RGPD4: variants seen among roughly 807,000 people sequenced by gnomAD.
RGPD4 encodes ranBP2-like and GRIP domain-containing protein 4.
In RGPD4, 84 loss-of-function variants were observed where a neutral mutation model predicts 141.1. The ratio of observed to expected loss-of-function variants is 0.60; its 90% CI spans 0.50 to 0.71. RGPD4 has a LOEUF of 0.71. RGPD4 is among the 30% of genes least tolerant of loss of function. RGPD4 has a pLI of 0.00. For missense variants in RGPD4, 918 were observed against 1,622.4 expected, an observed-to-expected ratio of 0.57 and a Z score of 7.46; for synonymous variants, 298 against 566.8, an observed-to-expected ratio of 0.53 and a Z score of 6.74.
chr2:107,881,486 T>C (rs1675364562), intron 21 of RGPD4, among the ~76,000 whole-genome samples: 1 of 151,592 alleles, frequency 6.6e-6, no homozygotes. Context: ...CCCGGCTAAT[T>C]TTTTTTATTT....
chr2:107,854,820 A>C (rs1408568606), intron 8 of RGPD4, among the ~76,000 whole-genome samples, 177 bp downstream of exon 8: 3 of 151,864 alleles, frequency 2.0e-5, no homozygotes, highest in Non-Finnish European at 4.4e-5. Context: ...ACATTCTTTT[A>C]AAAAAATGAA....
Position 107,871,254 on chromosome 2 carries a change from A to T in RGPD4, c.3250A>T (p.Asn1084Tyr), listed in dbSNP as rs775398161. Residue 1084 changes from asparagine (N) to tyrosine (Y), a missense_variant, in exon 20 of 23, where the codon AAC becomes TAC. Asn to Tyr is a moderately radical substitution (Grantham distance 143). Coordinates refer to ENST00000408999, the MANE Select transcript of RGPD4 (RefSeq NM_182588.3). ...GCAGTGGAAAGAAAGGGGCTTGGGG[A>T]ACTTAAAAATTCTCAAAAACGAGGT... ...VRQWKERGLG[N>Y]LKILKNEVNG... The T allele has an allele frequency of 2.9e-5, 46 of 1,608,566 alleles. No individual in the cohort carries two copies. The highest frequency in any genetic ancestry group is 4.1e-5 in the African/African-American group (3 of 72,836).
Position 107,827,049 on chromosome 2 carries a change from C to T in RGPD4, c.36C>T (p.Val12=), listed in dbSNP as rs748859920. 6.3e-6 allele frequency: 10 copies of T among 1,597,842 alleles called. No homozygotes were observed. The highest frequency in any genetic ancestry group is 1.7e-5 in the Admixed American group (1 of 58,278). ...GCAAGGCCTACGGGGAGCGGTACGT[C>T]GCCTCCGTGCAGGGCTCCGCCCCGT... The part of the protein sequence containing the change: ...SCSKAYGERY[V]ASVQGSAPSP... The change falls in exon 1 of 23, where the codon GTC becomes GTT. Residue 12 remains valine, a synonymous_variant. Coordinates refer to ENST00000408999, the MANE Select transcript of RGPD4 (RefSeq NM_182588.3).
rs1399654389 is a variant in RGPD4 at position 107,834,022 on chromosome 2, A to T, written c.73-2580A>T. 7.2e-4 allele frequency among the ~76,000 whole-genome samples: 108 copies of T among 150,824 alleles called. 1 individual carries two copies. Among genetic ancestry groups the T allele is most frequent in the African/African-American group, 2.3e-3 (95 of 41,010 alleles). On this transcript the variant is annotated intron_variant, in intron 1 of 22. Coordinates refer to ENST00000408999, the MANE Select transcript of RGPD4 (RefSeq NM_182588.3). ...CTCCATCTCAAAAACAAAAAAAGGA[A>T]GGGGGGAACAAGCCTTGTTCCTATA...
chr2:107,876,589 A>G (rs1047483969), intron 20 of RGPD4, among the ~76,000 whole-genome samples: 18 of 151,056 alleles, frequency 1.2e-4, no homozygotes, highest in Non-Finnish European at 2.5e-4. Flanking sequence ...GTTTTAGTTC[A>G]GCCGTACCCA....
intron 1 of RGPD4, among the ~76,000 whole-genome samples, chr2:107,831,035 G>A (rs201774835): frequency 0.015 from 2,234 of 146,988 alleles, 17 homozygotes; most frequent in East Asian, 0.12. Flanking sequence ...AAAATGAGCC[G>A]GGCGTGGTGG....
chr2:107,846,500 C>G (rs1573479747), intron 6 of RGPD4, among the ~76,000 whole-genome samples: 1 of 151,078 alleles, frequency 6.6e-6, no homozygotes, highest in South Asian at 2.1e-4. Context: ...GAGTTTTGCT[C>G]TTGTTGCCCA....
rs1166609493 is a variant in RGPD4, at chr2:107,831,572, C to CTT, written c.72+4507_72+4508dup. Among the ~76,000 whole-genome samples, 77 of 108,798 alleles carry CTT rather than the reference C, an allele frequency of 7.1e-4. 2 individuals are homozygous for CTT. The highest frequency in any genetic ancestry group is 1.8e-3 in the East Asian group (7 of 3,972). The allele number at this position is 108,798 out of a possible 152,430, so 71.4% of individuals were successfully genotyped here. ...TAGACATTTTCTTTTCTTTTCTTTT[C>CTT]TTTTTTTTTTTTTTTTTTTTTGAGA... On this transcript the variant is annotated intron_variant, in intron 1 of 22. Transcript: ENST00000408999.
At chr2:107,827,281 G>C (rs1361131372) in intron 1 of RGPD4, among the ~76,000 whole-genome samples, 196 bp downstream of exon 1, 1 of 132,842 alleles carries the variant, frequency 7.5e-6, no homozygotes, top group Non-Finnish European at 1.6e-5. Flanking sequence ...GGCTCCCGAC[G>C]GGCGCTGCTC....
rs746649494 is a variant in RGPD4, at chr2:107,862,739, G to A, written c.2263G>A (p.Glu755Lys). 4.1e-5 allele frequency: 35 copies of A among 843,978 alleles called. 7 individuals carry two copies. The East Asian group carries it at 5.3e-4, about 13-fold the overall frequency. The allele number at this position is 843,978 out of a possible 1,614,324, so 52.3% of individuals were successfully genotyped here. ...EMLKSVMQEL[E>K]NYSEGDPLYK... is the part of the protein sequence containing the mutation. Reference sequence around the variant, plus strand: ...GCTTAAGTCAGTCATGCAGGAACTCGAAAACTATAGTGAAGGAGATCCTCT... The same window carrying A: ...GCTTAAGTCAGTCATGCAGGAACTCAAAAACTATAGTGAAGGAGATCCTCT... The change falls in exon 16 of 23, where the codon GAA becomes AAA. Residue 755 changes from glutamate to lysine, a missense_variant. Glu to Lys is a moderately conservative substitution (Grantham distance 56, BLOSUM62 1). Coordinates refer to ENST00000408999, the MANE Select transcript of RGPD4 (RefSeq NM_182588.3).
At chr2:107,862,927 G>A (rs762807495) in intron 16 of RGPD4, 22 bp from the exon 17 acceptor site, 1 of 1,608,270 alleles carries the variant, frequency 6.2e-7, no homozygotes, top group Admixed American at 1.7e-5. Context: ...ATGCTCTTTT[G>A]TGATTTTTAT....
rs565081415 is a variant in RGPD4, at chr2:107,890,539, AC to A, written c.5267-179del. On this transcript the variant is annotated intron_variant, in intron 22 of 22. Coordinates refer to ENST00000408999, the MANE Select transcript of RGPD4 (RefSeq NM_182588.3). ...ACTCCAGCCTGGGTGACAGAGCAAG[AC>A]CCTGTCTCAAAAAAAAAAAAAAAAA... Among the ~76,000 whole-genome samples the A allele has an allele frequency of 7.8e-3, 627 of 80,206 alleles. 15 individuals are homozygous for A. Among genetic ancestry groups the A allele is most frequent in the African/African-American group, 0.032 (603 of 18,820 alleles). The allele number at this position is 80,206 out of a possible 152,430, so 52.6% of individuals were successfully genotyped here.
At position 107,870,922 on chromosome 2, in the gene RGPD4, C is replaced by A. The variant is rs781341885; in HGVS notation, c.2918C>A (p.Ala973Glu). ...FGQTSSTFTF[A>E]DVAKSTSGEG... ...CAAACAAGTAGCACTTTTACATTTG[C>A]AGATGTTGCAAAATCAACTTCAGGA... Residue 973 changes from alanine to glutamate, a missense_variant, in exon 20 of 23, where the codon GCA becomes GAA. Physicochemically the swap from Ala to Glu is moderately radical, Grantham distance 107. Coordinates refer to ENST00000408999, the MANE Select transcript of RGPD4 (RefSeq NM_182588.3). The A allele has an allele frequency of 3.7e-6, 6 of 1,609,504 alleles. No homozygotes were observed. The East Asian group carries it at 1.3e-4, about 36-fold the overall frequency.
In RGPD4 at chr2:107,877,869, A is replaced by G. The variant is rs4012344; in HGVS notation, c.4925-2099A>G. On this transcript the variant is annotated intron_variant, in intron 20 of 22. Transcript: ENST00000408999. ...TCGCTCTGTCGCCAGGCTGAAGTGC[A>G]GTGGCGTGATCTTGGCTCACTACAA... is the stretch of plus-strand genomic sequence containing the variant. Among the ~76,000 whole-genome samples, 35 of 151,770 alleles carry G rather than the reference A, an allele frequency of 2.3e-4. 1 individual carries two copies. The highest frequency in any genetic ancestry group is 3.4e-3 in the Middle Eastern group (1 of 294).
chr2:107,871,118 T>G lies in RGPD4; in HGVS notation c.3114T>G (p.Phe1038Leu). The change falls in exon 20 of 23, where the codon TTT (phenylalanine) becomes TTG (leucine). Residue 1038 changes from phenylalanine (F) to leucine (L), a missense_variant. Transcript: ENST00000408999. ...YKTEDSDDIH[F>L]EPVVQMPEKV... ...CTGAGGACAGCGATGACATCCATTTTGAACCAGTAGTTCAAATGCCTGAAA... is the reference window on the plus strand; with the variant it reads ...CTGAGGACAGCGATGACATCCATTTGGAACCAGTAGTTCAAATGCCTGAAA... The G allele has an allele frequency of 6.2e-7, 1 of 1,611,074 alleles. No individual in the cohort carries two copies.
chr2:107,872,185 G>A lies in RGPD4; in HGVS notation c.4181G>A (p.Arg1394His), dbSNP rs549354710. ...CAGAATTATGATAATAAGCAAGTTC[G>A]TATAGTGATGAGAAGGGACCAAGTA... Reference protein sequence around the residue: ...ILQNYDNKQVRIVMRRDQVLK... With the variant: ...ILQNYDNKQVHIVMRRDQVLK... The change falls in exon 20 of 23, where the codon CGT (arginine) becomes CAT (histidine). Residue 1394 changes from arginine to histidine, a missense_variant. Arg to His is a conservative substitution (Grantham distance 29). Transcript: ENST00000408999. 38 of 1,611,536 alleles carry A rather than the reference G, an allele frequency of 2.4e-5. 1 individual carries two copies. The highest frequency in any genetic ancestry group is 9.9e-5 in the South Asian group (9 of 90,982).
intron 7 of RGPD4, among the ~76,000 whole-genome samples, chr2:107,849,553 G>A (rs1338492141): frequency 4.4e-5 from 1 of 22,570 alleles, no homozygotes; most frequent in Non-Finnish European, 8.6e-5. Flanking sequence ...TGTACTTTTA[G>A]TAGAGACGGG....
intron 1 of RGPD4, among the ~76,000 whole-genome samples, chr2:107,830,633 A>C (rs1241571631): frequency 3.9e-5 from 6 of 151,986 alleles, no homozygotes; most frequent in Non-Finnish European, 8.8e-5. Flanking sequence ...GAACATGTGA[A>C]GCTATTCTGT....
chr2:107,884,728 C>G (rs1487493958), intron 22 of RGPD4, among the ~76,000 whole-genome samples: 63 of 145,868 alleles, frequency 4.3e-4, no homozygotes, highest in South Asian at 9.1e-4. Context: ...CCTGTAAACC[C>G]TAATAACTAA....
Sources: gnomAD v4.1 joint callset for allele counts (sites outside exome capture counted in the v4.1 genomes callset) on GRCh38, gnomAD v4.1.1 for gene constraint, MANE v1.5 for transcripts, NCBI Gene and HGNC (gene_info 2026-07-23, HGNC 2026-07-21) for gene names.